MAF: variants seen among roughly 807,000 people sequenced by gnomAD.
MAF encodes the protein transcription factor Maf.
MAF carries 10 observed loss-of-function variants against 22.0 expected under a neutral mutation model. That is an observed-to-expected ratio of 0.45 (90% CI 0.28 to 0.77). The LOEUF is 0.77. Ranked by LOEUF, MAF falls within the 30% of genes least tolerant of loss-of-function variation. The pLI, the probability that MAF is intolerant of heterozygous loss-of-function variation, is 0.12. For synonymous variants in MAF, 337 were observed against 255.8 expected (o/e 1.32, Z -3.03); for missense variants, 544 against 548.4 (o/e 0.99, Z 0.08).
At chr16:79,368,941 A>G in the MAF span, among the ~76,000 whole-genome samples, 6 of 152,054 alleles carry the variant, frequency 3.9e-5, no homozygotes, top group Non-Finnish European at 8.8e-5. Context: ...TTTATATACC[A>G]TAAGTTGTTT....
the MAF span, among the ~76,000 whole-genome samples, chr16:79,256,917 G>T: frequency 6.6e-6 from 1 of 152,132 alleles, no homozygotes; most frequent in Non-Finnish European, 1.5e-5. Flanking sequence ...GGTGGCTCAC[G>T]CCTGTAATCC....
At chr16:79,458,059 G>A in the MAF span, among the ~76,000 whole-genome samples, 1 of 149,550 alleles carries the variant, frequency 6.7e-6, no homozygotes, top group Non-Finnish European at 1.5e-5. Flanking sequence ...AATAAAAATT[G>A]TCCATCATCC....
the MAF span, among the ~76,000 whole-genome samples, chr16:79,513,997 C>T: frequency 6.6e-6 from 1 of 152,200 alleles, no homozygotes; most frequent in African/African-American, 2.4e-5. Context: ...CACCCTTCCC[C>T]TCACCACAAA....
At chr16:79,286,676 C>G in the MAF span, among the ~76,000 whole-genome samples, 34 of 152,190 alleles carry the variant, frequency 2.2e-4, no homozygotes, top group Non-Finnish European at 1.0e-4. Context: ...ACAGAACTTG[C>G]TCAGAGCTAC....
chr16:79,397,056 A>G, the MAF span, among the ~76,000 whole-genome samples: 1 of 152,330 alleles, frequency 6.6e-6, no homozygotes, highest in African/African-American at 2.4e-5. Flanking sequence ...AAATGGGACT[A>G]AAATGCCGAC....
chr16:79,231,470 A>C, the MAF span, among the ~76,000 whole-genome samples: 1 of 152,140 alleles, frequency 6.6e-6, no homozygotes, highest in Non-Finnish European at 1.5e-5. Context: ...AACAGAAAAC[A>C]GTGGTCTCGG....
the MAF span, among the ~76,000 whole-genome samples, chr16:79,247,573 C>G: frequency 6.6e-6 from 1 of 152,120 alleles, no homozygotes; most frequent in Admixed American, 6.5e-5. Flanking sequence ...CCAAAACACT[C>G]TGCGCAAACA....
At chr16:79,211,609 A>C in the MAF span, 1 of 1,614,142 alleles carries the variant, frequency 6.2e-7, no homozygotes, top group East Asian at 2.2e-5. Flanking sequence ...GATTTCCAGC[A>C]ACAGGGAGCT....
At chr16:79,228,687 A>G in the MAF span, among the ~76,000 whole-genome samples, 17 of 151,980 alleles carry the variant, frequency 1.1e-4, no homozygotes, top group African/African-American at 3.9e-4. Flanking sequence ...CTCTCTGCCT[A>G]TATTTGTTAT....
the MAF span, among the ~76,000 whole-genome samples, chr16:79,476,241 T>G: frequency 3.6e-4 from 55 of 152,266 alleles, no homozygotes; most frequent in African/African-American, 9.1e-4. Context: ...TGCAACCTTG[T>G]GAGTCCCTGG....
chr16:79,212,424 A>ATACAAAAAATTCTTTACT, the MAF span: 1 of 355,124 alleles, frequency 2.8e-6, no homozygotes, highest in South Asian at 7.1e-5. Context: ...TGCTAATGCT[A>ATACAAAAAATTCTTTACT]TGCAAAAAAT....
At chr16:79,266,444 A>G in the MAF span, among the ~76,000 whole-genome samples, 1 of 152,168 alleles carries the variant, frequency 6.6e-6, no homozygotes, top group South Asian at 2.1e-4. Flanking sequence ...CCAAAAGGCA[A>G]TAAGAGCATC....
At chr16:79,364,966 T>C in the MAF span, among the ~76,000 whole-genome samples, 24 of 152,174 alleles carry the variant, frequency 1.6e-4, no homozygotes, top group Admixed American at 1.6e-3. Flanking sequence ...AGGGCACCAC[T>C]GAAGGAGTGG....
At chr16:79,297,484 G>A in the MAF span, among the ~76,000 whole-genome samples, 1 of 152,174 alleles carries the variant, frequency 6.6e-6, no homozygotes, top group Non-Finnish European at 1.5e-5. Flanking sequence ...CGAGGAAGTA[G>A]CATCCCAAGT....
the MAF span, chr16:79,213,043 A>ATCTC: frequency 1.3e-5 from 2 of 150,186 alleles, no homozygotes; most frequent in Admixed American, 6.6e-5. Context: ...ATTAGCGGGT[A>ATCTC]TCTCTATGTT....
chr16:79,212,308 G>C, the MAF span: 3 of 910,916 alleles, frequency 3.3e-6, no homozygotes, highest in Admixed American at 5.9e-5. Context: ...CTGCTGGGGA[G>C]ACAAATCTCA....
the MAF span, among the ~76,000 whole-genome samples, chr16:79,364,501 G>A: frequency 3.9e-5 from 6 of 152,160 alleles, no homozygotes; most frequent in African/African-American, 1.4e-4. Context: ...GTCCCAGAAC[G>A]GGGATGAAGA....
chr16:79,578,131 T>A, the MAF span, among the ~76,000 whole-genome samples: 1 of 152,236 alleles, frequency 6.6e-6, no homozygotes, highest in Admixed American at 6.5e-5. Context: ...TAATCTGGCA[T>A]TAATTTAAAA....
chr16:79,229,712 G>C, the MAF span, among the ~76,000 whole-genome samples: 2,840 of 152,124 alleles, frequency 0.019, 96 homozygotes, highest in African/African-American at 0.065. Flanking sequence ...GAGCTATCTA[G>C]AGGAGTGCAC....
Sources: gnomAD v4.1 joint callset for allele counts (sites outside exome capture counted in the v4.1 genomes callset) on GRCh38, gnomAD v4.1.1 for gene constraint, MANE v1.5 for transcripts, NCBI Gene and HGNC (gene_info 2026-07-23, HGNC 2026-07-21) for gene names.